Variants in GNAI2 observed in about 807,000 individuals in gnomAD.
GNAI2 encodes the protein guanine nucleotide-binding protein G(i) subunit alpha-2.
In GNAI2, 4 loss-of-function variants were observed where a neutral mutation model predicts 36.8. The ratio of observed to expected loss-of-function variants is 0.11; its 90% CI spans 0.05 to 0.25. GNAI2 has a LOEUF of 0.25. Ranked by LOEUF, GNAI2 falls within the 10% of genes least tolerant of loss-of-function variation. The pLI, the probability that GNAI2 is intolerant of heterozygous loss-of-function variation, is 1.00. For missense variants in GNAI2, 230 were observed against 481.3 expected, an observed-to-expected ratio of 0.48 and a Z score of 4.89; for synonymous variants, 194 against 194.1, an observed-to-expected ratio of 1.00 and a Z score of 0.01.
In GNAI2 at chr3:50,256,183, C is replaced by CAA; in HGVS notation, c.465-8_465-7insAA. ...GGCCCCCACTGACCCTCCCACCCCC[C>CAA]ATCCCCAGCTACCTGAACGACCTGG... On this transcript the variant is annotated splice_polypyrimidine_tract_variant and intron_variant, in intron 4 of 8. Coordinates refer to ENST00000313601, the MANE Select transcript of GNAI2 (RefSeq NM_002070.4). The CAA allele has an allele frequency of 6.7e-7, 1 of 1,497,448 alleles. No homozygotes were observed. Among genetic ancestry groups the CAA allele is most frequent in the Non-Finnish European group, 9.2e-7 (1 of 1,082,882 alleles). The allele number at this position is 1,497,448 out of a possible 1,614,324, so 92.8% of individuals were successfully genotyped here.
At chr3:50,245,793 ATGTGTGGGCAGGACCTGAGGCCTCAGTT>A (rs1700406237) in intron 1 of GNAI2, among the ~76,000 whole-genome samples, 1 of 152,198 alleles carries the variant, frequency 6.6e-6, no homozygotes, top group African/African-American at 2.4e-5. Flanking sequence ...AGACTTTCCC[ATGTGTGGGCAGGACCTGAGGCCTCAGTT>A]TCCCTAACAC....
rs782805532 is a variant in GNAI2 at position 50,253,147 on chromosome 3, C to T, written c.427C>T (p.Arg143Cys). 1.2e-5 allele frequency: 20 copies of T among 1,612,790 alleles called. No homozygotes were observed. Among genetic ancestry groups the T allele is most frequent in the Non-Finnish European group, 1.4e-5 (17 of 1,179,204 alleles). ...CCATGGTGTGCAGGCCTGCTTTGGC[C>T]GCTCAAGGGAATACCAGCTCAACGA... ...ADHGVQACFG[R>C]SREYQLNDSA... is the part of the protein sequence containing the mutation. The change falls in exon 4 of 9, where the codon CGC (arginine) becomes TGC (cysteine). Residue 143 changes from arginine to cysteine, a missense_variant. Physicochemically the swap from Arg to Cys is radical, Grantham distance 180. Transcript: ENST00000313601. The surrounding 1 kb of genome is among the most constrained non-coding windows in gnomAD (Gnocchi z 4.2).
In GNAI2 at chr3:50,256,172, C is replaced by T; in HGVS notation, c.465-20C>T. ...AGCCCCATGCTGGCCCCCACTGACC[C>T]TCCCACCCCCCATCCCCAGCTACCT... On this transcript the variant is annotated intron_variant, in intron 4 of 8. Coordinates refer to ENST00000313601, the MANE Select transcript of GNAI2 (RefSeq NM_002070.4). The T allele has an allele frequency of 7.4e-7, 1 of 1,345,650 alleles. No individual in the cohort carries two copies. The highest frequency in any genetic ancestry group is 1.0e-6 in the Non-Finnish European group (1 of 956,400). 83.4% of individuals were successfully genotyped at this position (1,345,650 alleles called of 1,614,324 possible). A position where few individuals can be genotyped will look rare whatever the true frequency, so the allele number is the denominator to read the frequency against.
Position 50,245,768 on chromosome 3 carries a change from C to T in GNAI2, c.119-6332C>T, listed in dbSNP as rs587600897. Among the ~76,000 whole-genome samples, 172 of 152,376 alleles carry T rather than the reference C, an allele frequency of 1.1e-3. 2 individuals carry two copies. Among genetic ancestry groups the T allele is most frequent in the African/African-American group, 3.4e-3 (142 of 41,588 alleles). On this transcript the variant is annotated intron_variant, in intron 1 of 8. Coordinates refer to ENST00000313601, the MANE Select transcript of GNAI2 (RefSeq NM_002070.4). ...GGAAAGGGCCCCACTGAGGGAGACA[C>T]ACCTTGCCCCAGAAAGACTTTCCCA...
chr3:50,230,688 A>G (rs1028579647), upstream of GNAI2: 1 of 426,846 alleles, frequency 2.3e-6, no homozygotes, highest in Non-Finnish European at 3.1e-6. Context: ...GTAGGGGTGA[A>G]CCAGCAGCTG....
chr3:50,248,943 C>A (rs1313529685), intron 1 of GNAI2, among the ~76,000 whole-genome samples: 1 of 152,048 alleles, frequency 6.6e-6, no homozygotes, highest in African/African-American at 2.4e-5. Context: ...AAATCAGATG[C>A]AAAGCAAGTT....
At chr3:50,251,150 G>A (rs1401125617) in intron 1 of GNAI2, among the ~76,000 whole-genome samples, 3 of 152,086 alleles carry the variant, frequency 2.0e-5, no homozygotes, top group Admixed American at 1.3e-4. Context: ...GCATTGTCCC[G>A]CAGGGTCTCA....
intron 1 of GNAI2, chr3:50,251,468 G>A: frequency 9.5e-7 from 1 of 1,050,244 alleles, no homozygotes; most frequent in South Asian, 2.6e-5. Flanking sequence ...CCAGATTCAT[G>A]AGTCAGTACG....
Position 50,252,648 on chromosome 3 carries a change from G to A in GNAI2, c.303+110G>A. 1 of 918,086 alleles carries A rather than the reference G, an allele frequency of 1.1e-6. No individual in the cohort carries two copies. Among genetic ancestry groups the A allele is most frequent in the Non-Finnish European group, 1.7e-6 (1 of 598,706 alleles). The allele number at this position is 918,086 out of a possible 1,614,324, so 56.9% of individuals were successfully genotyped here. A position where few individuals can be genotyped will look rare whatever the true frequency, so the allele number is the denominator to read the frequency against. On this transcript the variant is annotated intron_variant, in intron 3 of 8. Coordinates refer to ENST00000313601, the MANE Select transcript of GNAI2 (RefSeq NM_002070.4). The surrounding 1 kb of genome is among the most constrained non-coding windows in gnomAD (Gnocchi z 4.1). Reference sequence around the variant, plus strand: ...GCACTTTGGGACGCCGAGGCGGGTGGATCACCTGAGGTCAGGACCAGCCTG... The same window carrying A: ...GCACTTTGGGACGCCGAGGCGGGTGAATCACCTGAGGTCAGGACCAGCCTG...
intron 1 of GNAI2, among the ~76,000 whole-genome samples, chr3:50,244,724 TG>T (rs1700375974): frequency 6.6e-6 from 1 of 152,204 alleles, no homozygotes; most frequent in Non-Finnish European, 1.5e-5. Flanking sequence ...TGTGGCCTAG[TG>T]GGGCCTTGCC....
rs868958535 is a variant in GNAI2, at chr3:50,253,148, G to A, written c.428G>A (p.Arg143His). 8 of 1,612,640 alleles carry A rather than the reference G, an allele frequency of 5.0e-6. No homozygotes were observed. The highest frequency in any genetic ancestry group is 2.2e-5 in the East Asian group (1 of 44,814). ...ADHGVQACFG[R>H]SREYQLNDSA... Reference sequence around the variant, plus strand: ...CATGGTGTGCAGGCCTGCTTTGGCCGCTCAAGGGAATACCAGCTCAACGAC... The same window carrying A: ...CATGGTGTGCAGGCCTGCTTTGGCCACTCAAGGGAATACCAGCTCAACGAC... The change falls in exon 4 of 9, where the codon CGC becomes CAC. Residue 143 changes from arginine to histidine, a missense_variant. Transcript: ENST00000313601. This position sits in a 1 kb window ranked among gnomAD's most constrained non-coding sequence, Gnocchi z 4.2.
chr3:50,235,617 G>A (rs992364069), upstream of GNAI2, among the ~76,000 whole-genome samples: 2 of 152,126 alleles, frequency 1.3e-5, no homozygotes, highest in African/African-American at 4.8e-5. Flanking sequence ...ACTGCGCCCG[G>A]CCTTTTTTTT....
At chr3:50,257,836 G>A in intron 8 of GNAI2, 122 bp downstream of exon 8, 2 of 581,452 alleles carry the variant, frequency 3.4e-6, no homozygotes, top group Non-Finnish European at 6.0e-6. Flanking sequence ...TAGGTGACCA[G>A]GGGACAAGGG....
rs1553703736 is a variant in GNAI2 at position 50,259,049 on chromosome 3, C to T, written c.*706C>T. 3 of 408,524 alleles carry T rather than the reference C, an allele frequency of 7.3e-6. No individual in the cohort carries two copies. Among genetic ancestry groups the T allele is most frequent in the African/African-American group, 4.2e-5 (2 of 47,180 alleles). The allele number at this position is 408,524 out of a possible 1,614,324, so 25.3% of individuals were successfully genotyped here. A position where few individuals can be genotyped will look rare whatever the true frequency, so the allele number is the denominator to read the frequency against. Reference sequence around the variant, plus strand: ...GTGTTTACACCCGTCCCTCTGCTGGCCGCCCCCGTGCGAGCGGCACCCCTG... The same window carrying T: ...GTGTTTACACCCGTCCCTCTGCTGGTCGCCCCCGTGCGAGCGGCACCCCTG... On this transcript the variant is annotated 3_prime_UTR_variant, in exon 9 of 9. Transcript: ENST00000313601.
chr3:50,231,361 C>A (rs587708001), upstream of GNAI2, among the ~76,000 whole-genome samples: 4 of 152,360 alleles, frequency 2.6e-5, no homozygotes, highest in East Asian at 7.7e-4. Context: ...TCACTGCAAC[C>A]TCTGCCTCTT....
rs1346137678 is a variant in GNAI2, at chr3:50,236,959, C to G, written c.118+506C>G. On this transcript the variant is annotated intron_variant, in intron 1 of 8. Transcript: ENST00000313601. This position sits in a 1 kb window ranked among gnomAD's most constrained non-coding sequence, Gnocchi z 4.0. ...CCCATCCCTAGTCTGGAATCTGTAT[C>G]CTCCACCTGTGCACTCTGACCCAAG... Among the ~76,000 whole-genome samples the G allele has an allele frequency of 6.6e-6, 1 of 152,150 alleles. No homozygotes were observed. Among genetic ancestry groups the G allele is most frequent in the Admixed American group, 6.5e-5 (1 of 15,270 alleles).
intron 1 of GNAI2, among the ~76,000 whole-genome samples, chr3:50,237,421 G>C (rs1394911325): frequency 3.3e-5 from 5 of 152,238 alleles, no homozygotes; most frequent in Admixed American, 6.5e-5. Flanking sequence ...CTAGAGGAGT[G>C]GGGGGAAGTG....
chr3:50,235,573 G>A (rs1700144244), upstream of GNAI2, among the ~76,000 whole-genome samples: 1 of 152,148 alleles, frequency 6.6e-6, no homozygotes, highest in East Asian at 1.9e-4. Flanking sequence ...GCCCGCCTCG[G>A]CCTCCTAAAG....
intron 1 of GNAI2, among the ~76,000 whole-genome samples, chr3:50,240,909 ACT>A (rs1169680289): frequency 3.1e-5 from 4 of 130,586 alleles, no homozygotes; most frequent in African/African-American, 1.1e-4. Context: ...ACAGAGCAAG[ACT>A]CTGTCTCAAA....
Sources: gnomAD v4.1 joint callset for allele counts (sites outside exome capture counted in the v4.1 genomes callset) on GRCh38, gnomAD v4.1.1 for gene constraint, Gnocchi (gnomAD v3.1) non-coding constraint, MANE v1.5 for transcripts, NCBI Gene and HGNC (gene_info 2026-07-23, HGNC 2026-07-21) for gene names.